LHPP: variants seen among roughly 807,000 people sequenced by gnomAD.
The protein encoded by LHPP is hLHPP.
Under a neutral mutation model 30.3 loss-of-function variants are expected in LHPP, and 24 were observed. The observed-to-expected ratio is 0.79, with a 90% CI of 0.57 to 1.11. The LOEUF is 1.11. LHPP is among the 50% of genes most tolerant of loss of function. The pLI is 0.00. For missense variants in LHPP, 356 were observed against 367.2 expected (o/e 0.97, Z 0.25); for synonymous variants, 150 against 157.1 (o/e 0.95, Z 0.34).
chr10:124,546,879 C>T (rs1459667995), intron 6 of LHPP, among the ~76,000 whole-genome samples: 4 of 152,228 alleles, frequency 2.6e-5, no homozygotes, highest in East Asian at 1.9e-4. Flanking sequence ...AGGTAGAATT[C>T]GGTATTCTAC....
At chr10:124,589,750 G>A (rs183615361) in intron 6 of LHPP, among the ~76,000 whole-genome samples, 81 of 152,300 alleles carry the variant, frequency 5.3e-4, no homozygotes, top group African/African-American at 1.8e-3. Flanking sequence ...CGCCTTTCCC[G>A]CATCTCTGGG....
At chr10:124,584,450 T>C (rs1235648444) in intron 6 of LHPP, among the ~76,000 whole-genome samples, 1 of 151,788 alleles carries the variant, frequency 6.6e-6, no homozygotes, top group Non-Finnish European at 1.5e-5. Flanking sequence ...CACTGGTAGG[T>C]TGGTGTCTGG....
Position 124,523,651 on chromosome 10 carries a change from A to G in LHPP, c.716+6380A>G, listed in dbSNP as rs66509841. The stretch of plus-strand genomic sequence containing the variant: ...ATGTCAAAGTGAGTGGCTAGCAAGC[A>G]GGGGGGTCCAGGCTGTGGTGGCCCT... On this transcript the variant is annotated intron_variant, in intron 6 of 6. Coordinates refer to ENST00000368842, the MANE Select transcript of LHPP (RefSeq NM_022126.4). This position sits in a 1 kb window ranked among gnomAD's most constrained non-coding sequence, Gnocchi z 4.2. Among the ~76,000 whole-genome samples the G allele has an allele frequency of 0.16, 24,508 of 152,172 alleles. 2,784 individuals are homozygous for G. The highest frequency in any genetic ancestry group is 0.32 in the South Asian group (1,539 of 4,820).
chr10:124,512,705 G>A (rs1954336083), intron 5 of LHPP, among the ~76,000 whole-genome samples: 1 of 150,296 alleles, frequency 6.7e-6, no homozygotes, highest in Non-Finnish European at 1.5e-5. Flanking sequence ...TCCTTTAAAC[G>A]CCACACCTGT....
At chr10:124,528,531 G>A (rs924096053) in intron 6 of LHPP, among the ~76,000 whole-genome samples, 1 of 152,176 alleles carries the variant, frequency 6.6e-6, no homozygotes, top group Middle Eastern at 3.4e-3. Context: ...GCTAATTTTT[G>A]TATTTCCACT....
At chr10:124,467,414 C>T (rs1182538954) in intron 1 of LHPP, among the ~76,000 whole-genome samples, 2 of 144,194 alleles carry the variant, frequency 1.4e-5, no homozygotes, top group Non-Finnish European at 3.0e-5. Flanking sequence ...GGTCATGGGG[C>T]GGGAACCATG....
chr10:124,587,738 T>TAAAAAAAAAAAAAAAAAA (rs747954796), intron 6 of LHPP, among the ~76,000 whole-genome samples: 5 of 53,004 alleles, frequency 9.4e-5, no homozygotes, highest in African/African-American at 3.4e-4. Flanking sequence ...AGACTCCATC[T>TAAAAAAAAAAAAAAAAAA]AAAAAAAAAA....
intron 6 of LHPP, among the ~76,000 whole-genome samples, chr10:124,572,575 A>G (rs918198531): frequency 2.0e-5 from 3 of 151,650 alleles, no homozygotes; most frequent in Admixed American, 6.6e-5. Flanking sequence ...AGGTTGCAGT[A>G]AACCGAGATC....
chr10:124,495,486 C>G (rs886782547), intron 3 of LHPP, among the ~76,000 whole-genome samples: 5 of 152,222 alleles, frequency 3.3e-5, no homozygotes, highest in African/African-American at 1.2e-4. Context: ...CAGTGGAGGA[C>G]GCACAGGGGT....
At chr10:124,526,497 C>T (rs1954741070) in intron 6 of LHPP, among the ~76,000 whole-genome samples, 2 of 152,220 alleles carry the variant, frequency 1.3e-5, no homozygotes, top group South Asian at 2.1e-4. Context: ...CCTGAACATT[C>T]TCAAGCCACC....
intron 1 of LHPP, among the ~76,000 whole-genome samples, chr10:124,467,999 C>T (rs970305629): frequency 3.3e-5 from 5 of 152,168 alleles, no homozygotes; most frequent in Admixed American, 1.3e-4. Flanking sequence ...CATGAGCCAC[C>T]ATGCCCAGCC....
Position 124,541,273 on chromosome 10 carries a change from G to A in LHPP, c.716+24002G>A, listed in dbSNP as rs889422035. Among the ~76,000 whole-genome samples the A allele has an allele frequency of 6.6e-6, 1 of 152,242 alleles. No homozygotes were observed. The highest frequency in any genetic ancestry group is 2.4e-5 in the African/African-American group (1 of 41,460). On this transcript the variant is annotated intron_variant, in intron 6 of 6. Transcript: ENST00000368842. The surrounding 1 kb of genome is among the most constrained non-coding windows in gnomAD (Gnocchi z 4.2). ...CGACACGACCAGCCTGCAGTACCAGGATAGACAATTTGGGCTGGAGCCAAA... is the reference window on the plus strand; with the variant it reads ...CGACACGACCAGCCTGCAGTACCAGAATAGACAATTTGGGCTGGAGCCAAA...
chr10:124,530,532 A>G (rs1419498889), intron 6 of LHPP, among the ~76,000 whole-genome samples: 3 of 1,738 alleles, frequency 1.7e-3, no homozygotes, highest in African/African-American at 2.6e-3. Flanking sequence ...GTGCATGCAC[A>G]CACACACACA....
Position 124,593,905 on chromosome 10 carries a change from C to T in LHPP, c.717-19359C>T, listed in dbSNP as rs1948911228. Among the ~76,000 whole-genome samples the T allele has an allele frequency of 6.6e-6, 1 of 152,254 alleles. No homozygotes were observed. Among genetic ancestry groups the T allele is most frequent in the South Asian group, 2.1e-4 (1 of 4,832 alleles). On this transcript the variant is annotated intron_variant, in intron 6 of 6. Transcript: ENST00000368842. This position sits in a 1 kb window ranked among gnomAD's most constrained non-coding sequence, Gnocchi z 4.9. ...ATTTGGCCCCAGGGCCAGGGCTGTC[C>T]CTCCCACAGCTATTGAACACCAGGT...
At chr10:124,526,281 GGCCAGT>G (rs1484977214) in intron 6 of LHPP, 6 of 974,668 alleles carry the variant, frequency 6.2e-6, no homozygotes, top group Non-Finnish European at 7.3e-6. Flanking sequence ...CTCATGGCGG[GGCCAGT>G]GCTCATGCTT....
rs1257649401 is a variant in LHPP, at chr10:124,478,806, C to G, written c.126-5333C>G. The stretch of plus-strand genomic sequence containing the variant: ...GGCTCAGGCCGGGTGCCATGGCTCA[C>G]GCCTGTAATTCCAGCACTTTGGGAG... On this transcript the variant is annotated intron_variant, in intron 1 of 6. Coordinates refer to ENST00000368842, the MANE Select transcript of LHPP (RefSeq NM_022126.4). This position sits in a 1 kb window ranked among gnomAD's most constrained non-coding sequence, Gnocchi z 4.7. Among the ~76,000 whole-genome samples, 2 of 152,196 alleles carry G rather than the reference C, an allele frequency of 1.3e-5. No individual in the cohort carries two copies. The highest frequency in any genetic ancestry group is 2.9e-5 in the Non-Finnish European group (2 of 68,034).
At chr10:124,562,704 G>C (rs922902060) in intron 6 of LHPP, among the ~76,000 whole-genome samples, 1 of 152,134 alleles carries the variant, frequency 6.6e-6, no homozygotes, top group African/African-American at 2.4e-5. Flanking sequence ...GGCTAAGGTG[G>C]GTGGATCACT....
At chr10:124,585,150 G>A (rs930308839) in intron 6 of LHPP, among the ~76,000 whole-genome samples, 3 of 151,996 alleles carry the variant, frequency 2.0e-5, no homozygotes, top group African/African-American at 7.3e-5. Flanking sequence ...TTCTTTACTT[G>A]TATTTTGTAG....
At chr10:124,501,587 G>T (rs1349124860) in intron 5 of LHPP, among the ~76,000 whole-genome samples, 1 of 144,228 alleles carries the variant, frequency 6.9e-6, no homozygotes, top group East Asian at 2.0e-4. Context: ...GGGCGACAGA[G>T]CCAGACTCTG....
Sources: allele counts gnomAD v4.1 joint callset (sites outside exome capture counted in the v4.1 genomes callset), GRCh38; gene constraint gnomAD v4.1.1; non-coding constraint Gnocchi (gnomAD v3.1); transcripts MANE v1.5; gene names NCBI Gene and HGNC (gene_info 2026-07-23, HGNC 2026-07-21).